AKAP17A: variants seen among roughly 807,000 people sequenced by gnomAD.
AKAP17A encodes A-kinase anchoring protein 17A.
Under a neutral mutation model 52.2 loss-of-function variants are expected in AKAP17A, and 15 were observed. The ratio of observed to expected loss-of-function variants is 0.29; its 90% confidence interval spans 0.19 to 0.44. The LOEUF is 0.44. Ranked by LOEUF, AKAP17A falls within the 20% of genes least tolerant of loss-of-function variation. The probability of loss-of-function intolerance (pLI) is 1.00; values close to 1 mark genes in which losing one functional copy is unlikely to be tolerated. For missense variants in AKAP17A, 1,060 were observed against 1,007.0 expected, an observed-to-expected ratio of 1.05 and a Z score of -0.71; for synonymous variants, 514 against 424.7, an observed-to-expected ratio of 1.21 and a Z score of -2.58.
At position 1,601,560 on chromosome X, in the gene AKAP17A, C is replaced by T; in HGVS notation, c.2054C>T (p.Ser685Phe). 2 of 1,462,484 alleles carry T rather than the reference C, an allele frequency of 1.4e-6. No homozygotes were observed. The highest frequency in any genetic ancestry group is 1.8e-6 in the Non-Finnish European group (2 of 1,115,990). 90.6% of individuals were successfully genotyped at this position (1,462,484 alleles called of 1,614,324 possible). A position where few individuals can be genotyped will look rare whatever the true frequency, so the allele number is the denominator to read the frequency against. The stretch of plus-strand genomic sequence containing the variant: ...CGAAGCGAGCGGTCGCGCTCCCGGT[C>T]CCCGAGCAGGCACCGCAGTACCTGG... ...RRRSERSRSR[S>F]PSRHRSTWNR Residue 685 changes from serine to phenylalanine, a missense_variant, in exon 5 of 5, where the codon TCC becomes TTC. Ser to Phe is a radical substitution (Grantham distance 155). Coordinates refer to ENST00000313871, the MANE Select transcript of AKAP17A (RefSeq NM_005088.3).
At chrX:1,597,506 C>G (rs1477422968) in intron 3 of AKAP17A, among the ~76,000 whole-genome samples, 2 of 152,072 alleles carry the variant, frequency 1.3e-5, no homozygotes, top group African/African-American at 2.4e-5. Context: ...CTGTGTCAGC[C>G]ACTGTCAGGC....
chrX:1,595,335 C>T, intron 2 of AKAP17A, 49 bp from the exon 3 acceptor site: 1 of 1,610,874 alleles, frequency 6.2e-7, no homozygotes. Flanking sequence ...GGCCGTGTGT[C>T]TGGGGGGTTT....
intron 1 of AKAP17A, among the ~76,000 whole-genome samples, chrX:1,592,191 C>T (rs1932850077): frequency 6.6e-6 from 1 of 150,776 alleles, no homozygotes; most frequent in Admixed American, 6.6e-5. Flanking sequence ...TTTTCGGAGG[C>T]TGGGGCGGTG....
chrX:1,599,779 C>G, intron 4 of AKAP17A: 1 of 605,474 alleles, frequency 1.7e-6, no homozygotes, highest in East Asian at 2.8e-5. Context: ...GCCCGCGCCT[C>G]TGTGTGTGGT....
rs1402167108 is a variant in AKAP17A at position 1,601,020 on chromosome X, C to T, written c.1514C>T (p.Ala505Val). The T allele has an allele frequency of 7.5e-6, 12 of 1,610,256 alleles. No individual in the cohort carries two copies. The African/African-American group carries it at 9.4e-5, about 13-fold the overall frequency. ...APKESPAHPEADGAPKSVNGS... is the reference protein window; with the variant it reads ...APKESPAHPEVDGAPKSVNGS... The stretch of plus-strand genomic sequence containing the variant: ...AAGGAGAGCCCGGCCCACCCAGAGG[C>T]CGACGGCGCTCCCAAAAGCGTGAAC... The change falls in exon 5 of 5, where the codon GCC (alanine) becomes GTC (valine). Residue 505 changes from alanine (A) to valine (V), a missense_variant. By Grantham distance (64) the Ala-to-Val change is moderately conservative (BLOSUM62 0). This residue lies in a region of AKAP17A where 793 missense variants were observed against 629.9 expected (regional missense o/e 1.26). Coordinates refer to ENST00000313871, the MANE Select transcript of AKAP17A (RefSeq NM_005088.3).
intron 4 of AKAP17A, chrX:1,599,715 C>CT (rs1264710807): frequency 1.1e-5 from 7 of 627,682 alleles, no homozygotes; most frequent in Non-Finnish European, 2.0e-5. Flanking sequence ...CAGAGGCTCT[C>CT]TGTTTCCTTT....
Position 1,593,705 on chromosome X carries a change from G to A in AKAP17A, c.243G>A (p.Gly81=), listed in dbSNP as rs747560558. 1.9e-4 allele frequency: 301 copies of A among 1,614,004 alleles called. 1 individual carries two copies. The South Asian group carries it at 3.1e-3, about 17-fold the overall frequency. Residue 81 remains glycine (G), a synonymous_variant, in exon 2 of 5, where the codon GGG becomes GGA. Coordinates refer to ENST00000313871, the MANE Select transcript of AKAP17A (RefSeq NM_005088.3). ...KSTMDFIRFE[G]EVENKSLVKS... ...CCATGGACTTCATCCGCTTCGAGGG[G>A]GAGGTGGAGAACAAGAGCCTGGTCA...
intron 3 of AKAP17A, among the ~76,000 whole-genome samples, chrX:1,598,644 C>G (rs1933159048): frequency 6.6e-6 from 1 of 152,140 alleles, no homozygotes; most frequent in African/African-American, 2.4e-5. Context: ...TCCTCACTTC[C>G]TGGACACCCC....
chrX:1,599,089 T>C, intron 3 of AKAP17A, 103 bp from the exon 4 acceptor site: 1 of 1,514,420 alleles, frequency 6.6e-7, no homozygotes, highest in Non-Finnish European at 8.9e-7. Context: ...TGCTTAATCG[T>C]TGGACCGTGG....
chrX:1,599,516 C>G, intron 4 of AKAP17A, 84 bp downstream of exon 4: 1 of 1,536,336 alleles, frequency 6.5e-7, no homozygotes. Flanking sequence ...GGCGTCACGG[C>G]GCCGTTTCCC....
chrX:1,601,332 C>T lies in AKAP17A; in HGVS notation c.1826C>T (p.Ala609Val). Residue 609 changes from alanine to valine, a missense_variant, in exon 5 of 5, where the codon GCC becomes GTC. By Grantham distance (64) the Ala-to-Val change is moderately conservative. Transcript: ENST00000313871. ...CGGGAGAGGAGCCGGGCCAGGCGGG[C>T]CAGCAGCAGGGAGGACGGGAGGCCA... is the stretch of plus-strand genomic sequence containing the variant. ...HKRERSRARR[A>V]SSREDGRPRK... The T allele has an allele frequency of 2.5e-6, 4 of 1,599,670 alleles. No homozygotes were observed. Among genetic ancestry groups the T allele is most frequent in the Non-Finnish European group, 3.4e-6 (4 of 1,175,410 alleles).
In AKAP17A at chrX:1,599,404, T is replaced by A; in HGVS notation, c.1124T>A (p.Leu375His). 6.4e-7 allele frequency: 1 copy of A among 1,569,782 alleles called. No homozygotes were observed. The highest frequency in any genetic ancestry group is 8.6e-7 in the Non-Finnish European group (1 of 1,158,638). Residue 375 changes from leucine to histidine, a missense_variant, in exon 4 of 5, where the codon CTC becomes CAC. Transcript: ENST00000313871. ...LAQRNLQSIRLIAELLSRAKA... is the reference protein window; with the variant it reads ...LAQRNLQSIRHIAELLSRAKA... ...CAGAGGAACCTGCAGTCCATCCGGC[T>A]CATCGCCGAGCTGCTCAGCAGAGCC...
At chrX:1,600,306 C>T (rs1305025241) in intron 4 of AKAP17A, 33 of 896,338 alleles carry the variant, frequency 3.7e-5, no homozygotes, top group East Asian at 3.5e-4. Flanking sequence ...CTGTTGCTGG[C>T]GGCCGCTTGT....
At chrX:1,600,345 G>T in intron 4 of AKAP17A, 2 of 666,812 alleles carry the variant, frequency 3.0e-6, no homozygotes, top group South Asian at 1.8e-5. Flanking sequence ...TGTGTGCAAC[G>T]TGGTGGGGCT....
Position 1,594,240 on chromosome X carries a change from CGA to C in AKAP17A, c.762+22_762+23del. Reference sequence around the variant, plus strand: ...CAACATCAAGGTGAGTCCTGGGCACCGAGAGAGCCACGCGCTTCCTCCCTCTG... The same window carrying C: ...CAACATCAAGGTGAGTCCTGGGCACCGAGAGCCACGCGCTTCCTCCCTCTG... On this transcript the variant is annotated intron_variant, in intron 2 of 4. Coordinates refer to ENST00000313871, the MANE Select transcript of AKAP17A (RefSeq NM_005088.3). 1 of 1,505,318 alleles carries C rather than the reference CGA, an allele frequency of 6.6e-7. No homozygotes were observed. The highest frequency in any genetic ancestry group is 8.9e-7 in the Non-Finnish European group (1 of 1,128,172). The allele number at this position is 1,505,318 out of a possible 1,614,324, so 93.2% of individuals were successfully genotyped here.
chrX:1,600,116 A>T, intron 4 of AKAP17A: 1 of 1,299,406 alleles, frequency 7.7e-7, no homozygotes, highest in Non-Finnish European at 1.0e-6. Flanking sequence ...GGGCGACCCC[A>T]TAACCTGTTG....
Position 1,598,190 on chromosome X carries a change from C to T in AKAP17A, c.912-1002C>T, listed in dbSNP as rs774287867. ...TGAGCCGCCCTCCGAGCTCGTGGGG[C>T]GGTGACAGCTCACAGGGCGGTTAAA... On this transcript the variant is annotated intron_variant, in intron 3 of 4. Coordinates refer to ENST00000313871, the MANE Select transcript of AKAP17A (RefSeq NM_005088.3). Among the ~76,000 whole-genome samples the T allele has an allele frequency of 7.9e-5, 12 of 151,168 alleles. No individual in the cohort carries two copies. The East Asian group carries it at 1.4e-3, about 17-fold the overall frequency.
In AKAP17A at chrX:1,601,604, C is replaced by T. The variant is rs760920357; in HGVS notation, c.*10C>T. The T allele has an allele frequency of 3.8e-5, 54 of 1,415,156 alleles. No homozygotes were observed. The highest frequency in any genetic ancestry group is 2.5e-4 in the African/African-American group (17 of 66,812). 87.7% of individuals were successfully genotyped at this position (1,415,156 alleles called of 1,614,324 possible). A position where few individuals can be genotyped will look rare whatever the true frequency, so the allele number is the denominator to read the frequency against. On this transcript the variant is annotated 3_prime_UTR_variant, in exon 5 of 5. Transcript: ENST00000313871. ...TACCTGGAACAGGTAATGACGGGCACGGCCTCCCCACGGCCTGTCCGGGAA... is the reference window on the plus strand; with the variant it reads ...TACCTGGAACAGGTAATGACGGGCATGGCCTCCCCACGGCCTGTCCGGGAA...
intron 3 of AKAP17A, 143 bp from the exon 4 acceptor site, chrX:1,599,049 C>T: frequency 7.5e-7 from 1 of 1,334,760 alleles, no homozygotes; most frequent in Non-Finnish European, 1.0e-6. Flanking sequence ...TTTGAGTCAA[C>T]CGAGGTCCAC....
Sources: allele counts gnomAD v4.1 joint callset (sites outside exome capture counted in the v4.1 genomes callset), GRCh38; gene constraint gnomAD v4.1.1; regional missense constraint gnomAD v4.1.1; transcripts MANE v1.5; gene names NCBI Gene and HGNC (gene_info 2026-07-23, HGNC 2026-07-21).